Variants in TBC1D8 observed in about 807,000 individuals in gnomAD.
TBC1D8 encodes BUB2-like protein 1.
A neutral mutation model predicts 118.8 loss-of-function variants in TBC1D8; 65 were observed. The ratio of observed to expected loss-of-function variants is 0.55; its 90% CI spans 0.45 to 0.67. TBC1D8 has a LOEUF of 0.67. Among genes scored for constraint, TBC1D8 ranks in the 30% least tolerant of loss-of-function variants. TBC1D8 has a pLI of 0.00. For synonymous variants in TBC1D8, 566 were observed against 595.8 expected, an observed-to-expected ratio of 0.95 and a Z score of 0.73; for missense variants, 1,376 against 1,471.2, an observed-to-expected ratio of 0.94 and a Z score of 1.06.
In TBC1D8 at chr2:101,151,359, A is replaced by T. The variant is rs1679560803; in HGVS notation, c.-106T>A. Reference sequence around the variant, plus strand: ...GGCGACGGCGGCGCGCGGGGACCACAGCCCGGCCGGTGCCCAGCGCTCTGA... The same window carrying T: ...GGCGACGGCGGCGCGCGGGGACCACTGCCCGGCCGGTGCCCAGCGCTCTGA... On this transcript the variant is annotated 5_prime_UTR_variant, in exon 1 of 20. Coordinates refer to ENST00000409318, the MANE Select transcript of TBC1D8 (RefSeq NM_001330348.2). The T allele has an allele frequency of 9.7e-7, 1 of 1,032,324 alleles. No homozygotes were observed. Among genetic ancestry groups the T allele is most frequent in the Admixed American group, 5.6e-5 (1 of 17,956 alleles). 63.9% of individuals were successfully genotyped at this position (1,032,324 alleles called of 1,614,324 possible). A position where few individuals can be genotyped will look rare whatever the true frequency, so the allele number is the denominator to read the frequency against.
In TBC1D8 at chr2:101,012,163, A is replaced by T. The variant is rs192909664; in HGVS notation, c.2828-623T>A. Among the ~76,000 whole-genome samples, 53 of 152,344 alleles carry T rather than the reference A, an allele frequency of 3.5e-4. No homozygotes were observed. The South Asian group carries it at 0.01, about 30-fold the overall frequency. ...TTTAGTAAACAGTCTGGCAGTTTTT[A>T]AAAAAGTTAAAGTTACCATTTGACT... On this transcript the variant is annotated intron_variant, in intron 17 of 19. Transcript: ENST00000409318.
intron 2 of TBC1D8, among the ~76,000 whole-genome samples, chr2:101,063,773 T>A (rs568948828): frequency 6.0e-5 from 9 of 149,978 alleles, no homozygotes; most frequent in African/African-American, 1.5e-4. Flanking sequence ...AAAAAAAAAA[T>A]AGAAAACAGA....
At chr2:101,029,982 G>C in intron 11 of TBC1D8, 3 of 509,928 alleles carry the variant, frequency 5.9e-6, no homozygotes. Flanking sequence ...AATACTGCTT[G>C]ATCAGCTGGA....
At chr2:101,014,834 T>C (rs921404840) in intron 17 of TBC1D8, among the ~76,000 whole-genome samples, 1 of 152,184 alleles carries the variant, frequency 6.6e-6, no homozygotes, top group Admixed American at 6.5e-5. Context: ...ATAACTTGAG[T>C]GCCAAACTTC....
At chr2:101,033,783 AG>A (rs1408604407) in intron 9 of TBC1D8, 25 bp from the exon 10 acceptor site, 4 of 1,602,762 alleles carry the variant, frequency 2.5e-6, no homozygotes, top group Non-Finnish European at 3.4e-6. Flanking sequence ...CAATGTTTCA[AG>A]GGGGAATGAT....
At chr2:101,055,010 A>G (rs1485661097) in intron 3 of TBC1D8, among the ~76,000 whole-genome samples, 1 of 151,834 alleles carries the variant, frequency 6.6e-6, no homozygotes, top group Non-Finnish European at 1.5e-5. Flanking sequence ...AATCTTCCCT[A>G]TAGGCATATG....
chr2:101,007,953 T>G lies in TBC1D8; in HGVS notation c.3336A>C (p.Ser1112=). The G allele has an allele frequency of 6.2e-7, 1 of 1,614,086 alleles. No individual in the cohort carries two copies. The part of the protein sequence containing the change: ...HILASLLTEQ[S]LVNFFEKPLD... ...GTGGCTTTTCAAAAAAGTTGACTAA[T>G]GACTGTTCAGTCAGAAGTGAAGCTA... Residue 1112 remains serine (S), a synonymous_variant, in exon 20 of 20, where the codon TCA becomes TCC. Coordinates refer to ENST00000409318, the MANE Select transcript of TBC1D8 (RefSeq NM_001330348.2).
intron 1 of TBC1D8, among the ~76,000 whole-genome samples, chr2:101,096,340 A>G (rs898167249): frequency 1.4e-5 from 2 of 144,138 alleles, no homozygotes; most frequent in Non-Finnish European, 3.0e-5. Context: ...CCCAAGTCTG[A>G]GCCAGAATAA....
rs774258866 is a variant in TBC1D8 at position 101,038,607 on chromosome 2, T to C, written c.1129A>G (p.Ile377Val). 1.9e-6 allele frequency: 3 copies of C among 1,613,830 alleles called. No homozygotes were observed. In the African/African-American group the frequency reaches 4.0e-5, roughly 22 times the overall value. Residue 377 changes from isoleucine to valine, a missense_variant, in exon 7 of 20, where the codon ATC becomes GTC. Physicochemically the swap from Ile to Val is conservative, Grantham distance 29. Coordinates refer to ENST00000409318, the MANE Select transcript of TBC1D8 (RefSeq NM_001330348.2). ...MEDTSLLPHP[I>V]IVSIRSKVAF... is the part of the protein sequence containing the mutation. ...ACCTTGCTTCTGATACTGACAATGA[T>C]GGGATGCGGCAGCAGGCTCGTGTCC...
chr2:101,086,157 A>AC (rs1675609633), intron 2 of TBC1D8, among the ~76,000 whole-genome samples: 1 of 151,700 alleles, frequency 6.6e-6, no homozygotes. Context: ...AAAAAAAAAA[A>AC]CTTGACAACA....
chr2:101,079,336 A>T (rs1442797242), intron 2 of TBC1D8, among the ~76,000 whole-genome samples: 1 of 152,174 alleles, frequency 6.6e-6, no homozygotes, highest in Non-Finnish European at 1.5e-5. Flanking sequence ...GACACTAGAG[A>T]AAAGTCTGAT....
At chr2:101,144,579 A>G (rs1350587987) in intron 1 of TBC1D8, among the ~76,000 whole-genome samples, 3 of 152,146 alleles carry the variant, frequency 2.0e-5, no homozygotes, top group Admixed American at 6.5e-5. Flanking sequence ...CATTGATGTA[A>G]GTTTTTAAAA....
At chr2:101,073,439 T>C (rs1277244952) in intron 2 of TBC1D8, among the ~76,000 whole-genome samples, 3 of 151,786 alleles carry the variant, frequency 2.0e-5, no homozygotes, top group East Asian at 1.9e-4. Context: ...GGAATACAGG[T>C]GCCCGCCACC....
At chr2:101,135,614 G>T (rs1229178441) in intron 1 of TBC1D8, among the ~76,000 whole-genome samples, 1 of 152,218 alleles carries the variant, frequency 6.6e-6, no homozygotes, top group East Asian at 1.9e-4. Flanking sequence ...CAAACAAAGA[G>T]CAGGGAACAA....
At chr2:101,056,505 T>C (rs1639412264) in intron 3 of TBC1D8, among the ~76,000 whole-genome samples, 1 of 152,250 alleles carries the variant, frequency 6.6e-6, no homozygotes, top group Admixed American at 6.5e-5. Flanking sequence ...CTAGAATTAT[T>C]TTTAAAAGAA....
At chr2:101,058,423 T>C (rs1159596547) in intron 3 of TBC1D8, among the ~76,000 whole-genome samples, 2 of 152,228 alleles carry the variant, frequency 1.3e-5, no homozygotes, top group Non-Finnish European at 2.9e-5. Flanking sequence ...TAGGAGGTTT[T>C]ACCCTAAGGA....
At chr2:101,108,693 A>T (rs559438469) in intron 1 of TBC1D8, among the ~76,000 whole-genome samples, 1 of 152,152 alleles carries the variant, frequency 6.6e-6, no homozygotes, top group Admixed American at 6.5e-5. Flanking sequence ...CAGTTATAAG[A>T]ACCCTTGTGA....
At chr2:101,055,045 T>C (rs1010037774) in intron 3 of TBC1D8, among the ~76,000 whole-genome samples, 3 of 152,058 alleles carry the variant, frequency 2.0e-5, no homozygotes, top group African/African-American at 4.8e-5. Flanking sequence ...GGCTCAGGCC[T>C]GTGAACTCAG....
chr2:101,099,054 A>C (rs1217439342), intron 1 of TBC1D8, among the ~76,000 whole-genome samples: 2 of 106,798 alleles, frequency 1.9e-5, no homozygotes, highest in Non-Finnish European at 4.3e-5. Flanking sequence ...AAACCATCCA[A>C]AAAAAAAAAA....
Sources: allele counts gnomAD v4.1 joint callset (sites outside exome capture counted in the v4.1 genomes callset), GRCh38; gene constraint gnomAD v4.1.1; transcripts MANE v1.5; gene names NCBI Gene and HGNC (gene_info 2026-07-23, HGNC 2026-07-21).